Variants in AP2B1 observed in about 807,000 individuals in gnomAD.
AP2B1 encodes the protein adaptor related protein complex 2 subunit beta 1.
AP2B1 carries 23 observed loss-of-function variants against 102.0 expected under a neutral mutation model. The ratio of observed to expected loss-of-function variants is 0.23; its 90% confidence interval spans 0.16 to 0.32. The LOEUF is 0.32. Among genes scored for constraint, AP2B1 ranks in the 10% least tolerant of loss-of-function variants. The pLI, the probability that AP2B1 is intolerant of heterozygous loss-of-function variation, is 1.00. For synonymous variants in AP2B1, 381 were observed against 421.2 expected (o/e 0.90, Z 1.17); for missense variants, 541 against 1,157.4 (o/e 0.47, Z 7.73).
At chr17:35,636,569 A>C (rs371030436) in intron 10 of AP2B1, 113 bp downstream of exon 10, 2 of 710,236 alleles carry the variant, frequency 2.8e-6, no homozygotes, top group Non-Finnish European at 4.5e-6. Context: ...TCATAATAGG[A>C]TACTTTATCA....
chr17:35,665,010 G>A (rs532306375), intron 14 of AP2B1, among the ~76,000 whole-genome samples: 4 of 151,124 alleles, frequency 2.6e-5, no homozygotes, highest in South Asian at 2.1e-4. Context: ...ATCTCAATGC[G>A]TTTATGCTAT....
intron 14 of AP2B1, among the ~76,000 whole-genome samples, chr17:35,669,310 A>AT (rs1403954185): frequency 1.3e-5 from 2 of 151,838 alleles, no homozygotes; most frequent in Non-Finnish European, 2.9e-5. Context: ...CAGCCTGCTA[A>AT]TTTTTGTATT....
rs202085635 is a variant in AP2B1 at position 35,687,207 on chromosome 17, G to T, written c.2454+4383G>T. On this transcript the variant is annotated intron_variant, in intron 18 of 21. Transcript: ENST00000610402. The stretch of plus-strand genomic sequence containing the variant: ...AGACACTGCAGCCTTCACCTCCTGG[G>T]CTCAAGCAATCCTCCCACCTCAGCC... 7.9e-5 allele frequency among the ~76,000 whole-genome samples: 12 copies of T among 152,128 alleles called. No individual in the cohort carries two copies. In the East Asian group the frequency reaches 2.3e-3, roughly 29 times the overall value.
At chr17:35,694,428 T>TTTTG (rs2076100418) in intron 18 of AP2B1, among the ~76,000 whole-genome samples, 2 of 66,500 alleles carry the variant, frequency 3.0e-5, no homozygotes, top group African/African-American at 1.3e-4. Flanking sequence ...TTTTTTTTAA[T>TTTTG]TTTTTAATTT....
At chr17:35,690,206 C>T (rs1168381918) in intron 18 of AP2B1, among the ~76,000 whole-genome samples, 1 of 152,190 alleles carries the variant, frequency 6.6e-6, no homozygotes, top group African/African-American at 2.4e-5. Context: ...CTTCTTTCTT[C>T]TATAGGCAAC....
At chr17:35,631,700 T>C (rs2074466993) in intron 9 of AP2B1, among the ~76,000 whole-genome samples, 1 of 152,204 alleles carries the variant, frequency 6.6e-6, no homozygotes, top group Non-Finnish European at 1.5e-5. Flanking sequence ...TATCCCTTAT[T>C]ATAGGACCTT....
chr17:35,601,139 G>T (rs178736), intron 3 of AP2B1: 253,221 of 295,912 alleles, frequency 0.86, 108,689 homozygotes, highest in African/African-American at 0.97. Flanking sequence ...ATTGAGTTTG[G>T]TAGGTAGGTA....
At chr17:35,635,108 G>A (rs2074569010) in intron 9 of AP2B1, among the ~76,000 whole-genome samples, 1 of 152,220 alleles carries the variant, frequency 6.6e-6, no homozygotes, top group African/African-American at 2.4e-5. Flanking sequence ...CTGTAGTGCA[G>A]TGGCACGATC....
chr17:35,621,240 T>G (rs1377902316), intron 5 of AP2B1: 12 of 893,976 alleles, frequency 1.3e-5, no homozygotes, highest in Non-Finnish European at 1.6e-5. Flanking sequence ...ACCCAGTTGC[T>G]GTCTCAAAGT....
chr17:35,607,962 C>T lies in AP2B1; in HGVS notation c.280-180C>T, dbSNP rs891557855. 139 of 708,176 alleles carry T rather than the reference C, an allele frequency of 2.0e-4. 1 individual carries two copies. Among genetic ancestry groups the T allele is most frequent in the South Asian group, 1.3e-3 (68 of 51,022 alleles). The allele number at this position is 708,176 out of a possible 1,614,324, so 43.9% of individuals were successfully genotyped here. A position where few individuals can be genotyped will look rare whatever the true frequency, so the allele number is the denominator to read the frequency against. On this transcript the variant is annotated intron_variant, in intron 4 of 21. Transcript: ENST00000610402. ...GTTAAATGACTTCTTCACCTAAACTCTTAAATAGGGCAGCTAAGATTTGTA... is the reference window on the plus strand; with the variant it reads ...GTTAAATGACTTCTTCACCTAAACTTTTAAATAGGGCAGCTAAGATTTGTA...
chr17:35,601,076 G>A (rs1597989944), intron 3 of AP2B1: 1 of 864,366 alleles, frequency 1.2e-6, no homozygotes, highest in East Asian at 1.2e-4. Context: ...AAAATAGTAA[G>A]TACATCAGGC....
At chr17:35,588,003 C>T (rs1265220434) in intron 1 of AP2B1, 1 of 151,788 alleles carries the variant, frequency 6.6e-6, no homozygotes, top group African/African-American at 2.4e-5. Context: ...GAAAGAGTAA[C>T]CTCCAGAATT....
intron 14 of AP2B1, among the ~76,000 whole-genome samples, chr17:35,665,353 G>A (rs1424417732): frequency 1.3e-5 from 2 of 151,934 alleles, no homozygotes; most frequent in Non-Finnish European, 2.9e-5. Flanking sequence ...CTTGAGCTCC[G>A]GGGCCCAGGC....
At position 35,687,137 on chromosome 17, in the gene AP2B1, G is replaced by C. The variant is rs587621553; in HGVS notation, c.2454+4313G>C. 1.8e-4 allele frequency among the ~76,000 whole-genome samples: 27 copies of C among 151,360 alleles called. No individual in the cohort carries two copies. The South Asian group carries it at 5.6e-3, about 32-fold the overall frequency. On this transcript the variant is annotated intron_variant, in intron 18 of 21. Coordinates refer to ENST00000610402, the MANE Select transcript of AP2B1 (RefSeq NM_001030006.2). The stretch of plus-strand genomic sequence containing the variant: ...GGATTTTTATTTATTTATTTTTTTT[G>C]AGATAGGGTCTCACTCTGTCACCCA...
At chr17:35,713,470 G>A (rs1471301382) in intron 20 of AP2B1, among the ~76,000 whole-genome samples, 1 of 152,124 alleles carries the variant, frequency 6.6e-6, no homozygotes, top group Admixed American at 6.5e-5. Context: ...TTTCCTTCCA[G>A]TCTCGAGGGC....
chr17:35,640,755 A>T (rs1466278284), intron 11 of AP2B1, among the ~76,000 whole-genome samples: 1 of 152,190 alleles, frequency 6.6e-6, no homozygotes, highest in Non-Finnish European at 1.5e-5. Flanking sequence ...GGAACCACAC[A>T]TTGACAACCA....
chr17:35,602,977 G>A (rs1294751038), intron 3 of AP2B1, among the ~76,000 whole-genome samples: 1 of 152,180 alleles, frequency 6.6e-6, no homozygotes, highest in Non-Finnish European at 1.5e-5. Flanking sequence ...TTTTTGGAGA[G>A]TATTTACTAA....
chr17:35,637,424 T>C (rs919874910), intron 10 of AP2B1, among the ~76,000 whole-genome samples: 3 of 151,926 alleles, frequency 2.0e-5, no homozygotes, highest in African/African-American at 7.3e-5. Context: ...AGGTGATCCA[T>C]CCACCTCAGC....
chr17:35,594,542 A>G (rs1016426457), intron 2 of AP2B1, among the ~76,000 whole-genome samples: 2 of 152,242 alleles, frequency 1.3e-5, no homozygotes, highest in African/African-American at 2.4e-5. Flanking sequence ...TTTTCTCTGC[A>G]TATGAGTGCA....
Sources: allele counts gnomAD v4.1 joint callset (sites outside exome capture counted in the v4.1 genomes callset), GRCh38; gene constraint gnomAD v4.1.1; transcripts MANE v1.5; gene names NCBI Gene and HGNC (gene_info 2026-07-23, HGNC 2026-07-21).